The following NSL1 variants were observed in gnomAD, a reference collection of about 807,000 sequenced individuals.
NSL1 encodes NSL1 component of MIS12 kinetochore complex.
Under a neutral mutation model 25.4 loss-of-function variants are expected in NSL1, and 11 were observed. The observed-to-expected ratio is 0.43, with a 90% CI of 0.27 to 0.72. The LOEUF (loss-of-function observed/expected upper bound fraction) is 0.72, where lower values mean the gene tolerates loss of function less well. Ranked by LOEUF, NSL1 falls within the 30% of genes least tolerant of loss-of-function variation. The probability of loss-of-function intolerance (pLI) is 0.19; values close to 1 mark genes in which losing one functional copy is unlikely to be tolerated. For missense variants in NSL1, 330 were observed against 342.7 expected, an observed-to-expected ratio of 0.96 and a Z score of 0.29; for synonymous variants, 118 against 120.6, an observed-to-expected ratio of 0.98 and a Z score of 0.14.
intron 4 of NSL1, among the ~76,000 whole-genome samples, chr1:212,750,400 G>A (rs1380154222): frequency 1.3e-5 from 2 of 151,978 alleles, no homozygotes; most frequent in Non-Finnish European, 2.9e-5. Context: ...CAGGAAACAC[G>A]ATTTAAAACA....
intron 4 of NSL1, chr1:212,766,156 A>AAC: frequency 3.6e-6 from 2 of 558,636 alleles, no homozygotes; most frequent in Non-Finnish European, 3.2e-6. Context: ...AAACAAAAAA[A>AAC]CCCTCAACAA....
chr1:212,785,123 CTTA>C (rs1408948480), intron 2 of NSL1, among the ~76,000 whole-genome samples: 1 of 152,056 alleles, frequency 6.6e-6, no homozygotes, highest in African/African-American at 2.4e-5. Context: ...GAAGTTTTGA[CTTA>C]TTATGAACTG....
At chr1:212,771,313 TCAAAAAA>T (rs1440685362) in intron 4 of NSL1, among the ~76,000 whole-genome samples, 5 of 151,628 alleles carry the variant, frequency 3.3e-5, no homozygotes, top group South Asian at 2.1e-4. Context: ...AAACTCCATC[TCAAAAAA>T]CAAAAAACAA....
chr1:212,736,816 T>G lies in NSL1; in HGVS notation c.*1592A>C, dbSNP rs1658249810. 4.1e-6 allele frequency: 4 copies of G among 985,414 alleles called. No individual in the cohort carries two copies. The highest frequency in any genetic ancestry group is 2.4e-6 in the Non-Finnish European group (2 of 829,878). The allele number at this position is 985,414 out of a possible 1,614,324, so 61.0% of individuals were successfully genotyped here. On this transcript the variant is annotated 3_prime_UTR_variant, in exon 6 of 6. Transcript: ENST00000366977. ...GATTCCTTGTTTCTCTGCTGAATAC[T>G]TCAGAGCAAATCTATCATGTCATTT...
intron 1 of NSL1, among the ~76,000 whole-genome samples, chr1:212,789,824 C>G (rs1460154058): frequency 6.6e-6 from 1 of 152,158 alleles, no homozygotes; most frequent in African/African-American, 2.4e-5. Context: ...GTTTTAAATA[C>G]CTTAGCATTT....
chr1:212,730,427 G>A lies in NSL1; in HGVS notation c.*7981C>T. On this transcript the variant is annotated 3_prime_UTR_variant, in exon 6 of 6. Coordinates refer to ENST00000366977, the MANE Select transcript of NSL1 (RefSeq NM_015471.4). The stretch of plus-strand genomic sequence containing the variant: ...AGCTACATGAATGGGCACCAAGGGA[G>A]GTCTTAAAATCTGCAACTAGGTATG... The A allele has an allele frequency of 4.1e-6, 4 of 985,216 alleles. No individual in the cohort carries two copies. The highest frequency in any genetic ancestry group is 5.2e-4 in the Middle Eastern group (1 of 1,914). The allele number at this position is 985,216 out of a possible 1,614,324, so 61.0% of individuals were successfully genotyped here.
Position 212,729,081 on chromosome 1 carries a change from TA to T in NSL1, c.*9326del, listed in dbSNP as rs1288959923. On this transcript the variant is annotated 3_prime_UTR_variant, in exon 6 of 6. Coordinates refer to ENST00000366977, the MANE Select transcript of NSL1 (RefSeq NM_015471.4). ...GGCTTACAAGAAAAATAAATTGCAGTAAGTGTTAAAACTTGCCAGTCAATTA... is the reference window on the plus strand; with the variant it reads ...GGCTTACAAGAAAAATAAATTGCAGTAGTGTTAAAACTTGCCAGTCAATTA... 7 of 985,322 alleles carry T rather than the reference TA, an allele frequency of 7.1e-6. No individual in the cohort carries two copies. The highest frequency in any genetic ancestry group is 7.0e-5 in the African/African-American group (4 of 57,254). The allele number at this position is 985,322 out of a possible 1,614,324, so 61.0% of individuals were successfully genotyped here.
intron 4 of NSL1, among the ~76,000 whole-genome samples, chr1:212,775,901 C>T (rs1201946951): frequency 6.6e-6 from 1 of 151,814 alleles, no homozygotes; most frequent in Non-Finnish European, 1.5e-5. Flanking sequence ...GATCTCGGCT[C>T]ACTGACAGCT....
intron 4 of NSL1, among the ~76,000 whole-genome samples, chr1:212,779,733 G>T (rs1660613489): frequency 1.2e-5 from 1 of 84,568 alleles, no homozygotes; most frequent in Non-Finnish European, 2.6e-5. Flanking sequence ...GGAGGGAGGT[G>T]GGGGGGTCAG....
At chr1:212,754,875 C>T (rs1356663588) in intron 4 of NSL1, among the ~76,000 whole-genome samples, 1 of 151,784 alleles carries the variant, frequency 6.6e-6, no homozygotes, top group Non-Finnish European at 1.5e-5. Context: ...GCAGATAATG[C>T]CTCCAAGCCT....
chr1:212,758,954 AATTGAG>A (rs1458919275), intron 4 of NSL1, among the ~76,000 whole-genome samples: 1 of 152,238 alleles, frequency 6.6e-6, no homozygotes, highest in Non-Finnish European at 1.5e-5. Context: ...AATGAAACAG[AATTGAG>A]AGTTCAGAAA....
At chr1:212,762,161 G>A (rs1659600555) in intron 4 of NSL1, among the ~76,000 whole-genome samples, 1 of 151,896 alleles carries the variant, frequency 6.6e-6, no homozygotes, top group Non-Finnish European at 1.5e-5. Flanking sequence ...AACTAGGCAT[G>A]GTTGCGCATG....
At chr1:212,754,571 G>A (rs972758273) in intron 4 of NSL1, among the ~76,000 whole-genome samples, 14 of 151,956 alleles carry the variant, frequency 9.2e-5, no homozygotes, top group African/African-American at 3.4e-4. Context: ...GAGGTCAGGA[G>A]TTGGAGACTA....
Position 212,729,133 on chromosome 1 carries a change from A to G in NSL1, c.*9275T>C. 1 of 985,480 alleles carries G rather than the reference A, an allele frequency of 1.0e-6. No individual in the cohort carries two copies. Among genetic ancestry groups the G allele is most frequent in the Non-Finnish European group, 1.2e-6 (1 of 829,942 alleles). The allele number at this position is 985,480 out of a possible 1,614,324, so 61.0% of individuals were successfully genotyped here. A position where few individuals can be genotyped will look rare whatever the true frequency, so the allele number is the denominator to read the frequency against. On this transcript the variant is annotated 3_prime_UTR_variant, in exon 6 of 6. Coordinates refer to ENST00000366977, the MANE Select transcript of NSL1 (RefSeq NM_015471.4). Reference sequence around the variant, plus strand: ...CAGGAATATATTAGTGTTCCATCGTAGTTTCTAAAACCAGACAAAATCATT... The same window carrying G: ...CAGGAATATATTAGTGTTCCATCGTGGTTTCTAAAACCAGACAAAATCATT...
At chr1:212,778,071 A>G (rs1660461014) in intron 4 of NSL1, among the ~76,000 whole-genome samples, 1 of 152,116 alleles carries the variant, frequency 6.6e-6, no homozygotes. Flanking sequence ...AGAACAATTT[A>G]TGGGACTTAT....
Position 212,729,559 on chromosome 1 carries a change from G to C in NSL1, c.*8849C>G. 1 of 985,208 alleles carries C rather than the reference G, an allele frequency of 1.0e-6. No individual in the cohort carries two copies. The highest frequency in any genetic ancestry group is 1.2e-6 in the Non-Finnish European group (1 of 829,890). The allele number at this position is 985,208 out of a possible 1,614,324, so 61.0% of individuals were successfully genotyped here. ...CAACTTTGCCCATTTTTATTATTCT[G>C]CCAGTGTCATCCCCTCATTTCTACA... On this transcript the variant is annotated 3_prime_UTR_variant, in exon 6 of 6. Transcript: ENST00000366977.
Position 212,777,963 on chromosome 1 carries a change from G to A in NSL1, c.499+4409C>T, listed in dbSNP as rs73083720. On this transcript the variant is annotated intron_variant, in intron 4 of 5. Transcript: ENST00000366977. ...AGAGTGAAACAAGAAGACCTTCTAAGAGAGCATTTGTAGAAATCCTGGCTA... is the reference window on the plus strand; with the variant it reads ...AGAGTGAAACAAGAAGACCTTCTAAAAGAGCATTTGTAGAAATCCTGGCTA... 5.2e-3 allele frequency among the ~76,000 whole-genome samples: 786 copies of A among 152,358 alleles called. 5 individuals carry two copies. The highest frequency in any genetic ancestry group is 0.018 in the African/African-American group (749 of 41,582).
In NSL1 at chr1:212,738,584, A is replaced by T. The variant is rs1658345103; in HGVS notation, c.670T>A (p.Cys224Ser). 6.2e-7 allele frequency: 1 copy of T among 1,614,162 alleles called. No individual in the cohort carries two copies. Among genetic ancestry groups the T allele is most frequent in the Non-Finnish European group, 8.5e-7 (1 of 1,180,010 alleles). Residue 224 changes from cysteine (C) to serine (S), a missense_variant, in exon 6 of 6, where the codon TGT becomes AGT. Transcript: ENST00000366977. The stretch of plus-strand genomic sequence containing the variant: ...GGTTTAGCATCTGGTTTCCTATGAC[A>T]ACTGGAAAAGACTTCTTGGTGAATC... ...QRIHQEVFSS[C>S]HRKPDAKPEN...
Position 212,728,138 on chromosome 1 carries a change from T to G in NSL1, c.*10270A>C, listed in dbSNP as rs528313868. ...GTAATAGCCCTTAATTCATGGATTG[T>G]CTTGAGGATTAAAAGAGATGGTGCA... is the stretch of plus-strand genomic sequence containing the variant. On this transcript the variant is annotated 3_prime_UTR_variant, in exon 6 of 6. Coordinates refer to ENST00000366977, the MANE Select transcript of NSL1 (RefSeq NM_015471.4). 4.2e-6 allele frequency: 4 copies of G among 958,390 alleles called. No individual in the cohort carries two copies. The Admixed American group carries it at 2.5e-4, about 59-fold the overall frequency. The allele number at this position is 958,390 out of a possible 1,614,324, so 59.4% of individuals were successfully genotyped here.
Sources: allele counts gnomAD v4.1 joint callset (sites outside exome capture counted in the v4.1 genomes callset), GRCh38; gene constraint gnomAD v4.1.1; transcripts MANE v1.5; gene names NCBI Gene and HGNC (gene_info 2026-07-23, HGNC 2026-07-21).